The following ZNF567 variants were observed in gnomAD, a reference collection of about 807,000 sequenced individuals.
ZNF567 encodes the protein zinc finger protein 567.
In ZNF567, 36 loss-of-function variants were observed where a neutral mutation model predicts 53.9. The observed-to-expected ratio is 0.67, with a 90% confidence interval of 0.51 to 0.88. The LOEUF (loss-of-function observed/expected upper bound fraction) is 0.88, where lower values mean the gene tolerates loss of function less well. Ranked by LOEUF, ZNF567 falls within the 40% of genes least tolerant of loss-of-function variation. The pLI is 0.00. For missense variants in ZNF567, 619 were observed against 764.7 expected, an observed-to-expected ratio of 0.81 and a Z score of 2.25; for synonymous variants, 224 against 260.4, an observed-to-expected ratio of 0.86 and a Z score of 1.35.
At chr19:36,682,307 A>T in the ZNF567 span, among the ~76,000 whole-genome samples, 1 of 151,388 alleles carries the variant, frequency 6.6e-6, no homozygotes, top group Non-Finnish European at 1.5e-5. Context: ...AAAAAAGGTT[A>T]AATTACAAGC....
chr19:36,715,243 C>T (rs1320866311), intron 5 of ZNF567, among the ~76,000 whole-genome samples: 1 of 151,832 alleles, frequency 6.6e-6, no homozygotes, highest in Non-Finnish European at 1.5e-5. Context: ...TCACTGCAAA[C>T]TCCACCTCCT....
In ZNF567 at chr19:36,719,519, AT is replaced by A. The variant is rs1568717669; in HGVS notation, c.796del (p.Ser266GlnfsTer3). 6.2e-7 allele frequency: 1 copy of A among 1,613,600 alleles called. No homozygotes were observed. The highest frequency in any genetic ancestry group is 8.5e-7 in the Non-Finnish European group (1 of 1,179,870). On this transcript the variant is annotated frameshift_variant, in exon 6 of 6. Coordinates refer to ENST00000682579, the MANE Select transcript of ZNF567 (RefSeq NM_001322917.1). LOFTEE classifies it high-confidence loss of function. ...NECGKSFCRKSVLILHQGIHS... is the reference protein window; with the variant it reads ...NECGKSFCRKXVLILHQGIHS... ...AATGTGGGAAATCTTTCTGCAGGAA[AT>A]CAGTATTGATTCTGCATCAGGGAAT... is the stretch of plus-strand genomic sequence containing the variant.
At chr19:36,707,874 C>T (rs3108571) in intron 3 of ZNF567, among the ~76,000 whole-genome samples, 46,908 of 151,982 alleles carry the variant, frequency 0.31, 7,354 homozygotes, top group African/African-American at 0.37. Flanking sequence ...CCACTGCGCC[C>T]GGCCTATAAT....
chr19:36,720,208 A>G lies in ZNF567; in HGVS notation c.1484A>G (p.His495Arg). Residue 495 changes from histidine to arginine, a missense_variant, in exon 6 of 6, where the codon CAT (histidine) becomes CGT (arginine). Transcript: ENST00000682579. Reference protein sequence around the residue: ...AFRMKSYLIDHHRTHTGEKPY... With the variant: ...AFRMKSYLIDRHRTHTGEKPY... ...AGAATGAAGTCATACCTCATTGATC[A>G]TCACCGAACTCACACAGGAGAGAAA... 1.2e-6 allele frequency: 2 copies of G among 1,614,184 alleles called. No homozygotes were observed. Among genetic ancestry groups the G allele is most frequent in the Middle Eastern group, 1.6e-4 (1 of 6,062 alleles).
chr19:36,720,177 G>A lies in ZNF567; in HGVS notation c.1453G>A (p.Ala485Thr). The part of the protein sequence containing the change: ...KSYECPHCGK[A>T]FRMKSYLIDH... Reference sequence around the variant, plus strand: ...TTATGAATGTCCTCACTGTGGGAAGGCCTTTAGAATGAAGTCATACCTCAT... The same window carrying A: ...TTATGAATGTCCTCACTGTGGGAAGACCTTTAGAATGAAGTCATACCTCAT... The change falls in exon 6 of 6, where the codon GCC (alanine) becomes ACC (threonine). Residue 485 changes from alanine to threonine, a missense_variant. Coordinates refer to ENST00000682579, the MANE Select transcript of ZNF567 (RefSeq NM_001322917.1). 1.2e-6 allele frequency: 2 copies of A among 1,613,638 alleles called. No individual in the cohort carries two copies. Among genetic ancestry groups the A allele is most frequent in the Non-Finnish European group, 1.7e-6 (2 of 1,179,924 alleles).
At chr19:36,703,475 A>G (rs1343056017) in intron 3 of ZNF567, among the ~76,000 whole-genome samples, 2 of 152,042 alleles carry the variant, frequency 1.3e-5, no homozygotes, top group African/African-American at 2.4e-5. Context: ...AGACAGGGAC[A>G]TTTAAGTCTG....
chr19:36,679,497 A>T, the ZNF567 span, among the ~76,000 whole-genome samples: 1 of 152,210 alleles, frequency 6.6e-6, no homozygotes, highest in Non-Finnish European at 1.5e-5. Context: ...CCCACAAGGA[A>T]TTGACATCAG....
At chr19:36,721,599 A>G (rs2040299300), downstream of ZNF567, among the ~76,000 whole-genome samples, 1 of 152,186 alleles carries the variant, frequency 6.6e-6, no homozygotes, top group African/African-American at 2.4e-5. Context: ...GAAATCTTGT[A>G]GTTGTCATGA....
At chr19:36,703,029 C>T (rs577424509) in intron 3 of ZNF567, among the ~76,000 whole-genome samples, 7 of 152,198 alleles carry the variant, frequency 4.6e-5, no homozygotes, top group African/African-American at 1.7e-4. Flanking sequence ...AGTTTTTCTG[C>T]TCTGTTTTTT....
chr19:36,715,509 A>T (rs11671030), intron 5 of ZNF567, among the ~76,000 whole-genome samples: 5,026 of 45,436 alleles, frequency 0.11, 137 homozygotes, highest in East Asian at 0.13. Flanking sequence ...TAATAATAAT[A>T]ATTATTATTA....
rs561742112 is a variant in ZNF567, at chr19:36,698,020, C to A, written c.9+3144C>A. Among the ~76,000 whole-genome samples the A allele has an allele frequency of 3.3e-5, 5 of 151,490 alleles. No homozygotes were observed. In the East Asian group the frequency reaches 7.8e-4, roughly 24 times the overall value. ...ACATGTGCCATGCTGGTGTGCTGCA[C>A]CCATTAACTCGTCATTTAGCATTAG... On this transcript the variant is annotated intron_variant, in intron 3 of 5. Coordinates refer to ENST00000682579, the MANE Select transcript of ZNF567 (RefSeq NM_001322917.1).
chr19:36,669,949 A>G, the ZNF567 span, among the ~76,000 whole-genome samples: 2 of 152,242 alleles, frequency 1.3e-5, no homozygotes, highest in African/African-American at 4.8e-5. Flanking sequence ...CCATCAAAGA[A>G]TATCAGCCAT....
intron 3 of ZNF567, among the ~76,000 whole-genome samples, chr19:36,697,086 C>T (rs1379456623): frequency 5.3e-5 from 8 of 152,096 alleles, no homozygotes; most frequent in Non-Finnish European, 7.4e-5. Context: ...AGTTTAAATA[C>T]GAGAATAATA....
intron 5 of ZNF567, among the ~76,000 whole-genome samples, chr19:36,715,502 TAA>T (rs2040010816): frequency 0.023 from 584 of 25,786 alleles, 6 homozygotes; most frequent in Middle Eastern, 0.079. Context: ...ATAATAATAA[TAA>T]TAATAATTAT....
intron 3 of ZNF567, among the ~76,000 whole-genome samples, chr19:36,708,829 AT>A (rs1440371217): frequency 6.6e-6 from 1 of 152,072 alleles, no homozygotes; most frequent in African/African-American, 2.4e-5. Flanking sequence ...ATTCTGTTGT[AT>A]TTTGTGTCAG....
At chr19:36,687,503 C>G (rs2038306955), upstream of ZNF567, 1 of 152,370 alleles carries the variant, frequency 6.6e-6, no homozygotes, top group Non-Finnish European at 1.5e-5. Flanking sequence ...AAATGTAGTC[C>G]AAGGCCGGAA....
chr19:36,682,080 A>G, the ZNF567 span, among the ~76,000 whole-genome samples: 41 of 152,028 alleles, frequency 2.7e-4, no homozygotes, highest in African/African-American at 4.8e-4. Flanking sequence ...ATTCAAGATC[A>G]GCCCGGGGAA....
intron 3 of ZNF567, among the ~76,000 whole-genome samples, chr19:36,702,251 C>T (rs2039234980): frequency 6.6e-6 from 1 of 152,006 alleles, no homozygotes; most frequent in Admixed American, 6.6e-5. Flanking sequence ...TGAATATTGG[C>T]CCCCACTGTC....
chr19:36,705,877 G>T (rs534431996), intron 3 of ZNF567, among the ~76,000 whole-genome samples: 1 of 152,170 alleles, frequency 6.6e-6, no homozygotes, highest in African/African-American at 2.4e-5. Context: ...ATTAATCCTT[G>T]ATAATATTCT....
Sources: allele counts gnomAD v4.1 joint callset (sites outside exome capture counted in the v4.1 genomes callset), GRCh38; gene constraint gnomAD v4.1.1; transcripts MANE v1.5; gene names NCBI Gene and HGNC (gene_info 2026-07-23, HGNC 2026-07-21).